Variants in NUP210 observed in about 807,000 individuals in gnomAD.
NUP210 encodes the protein nucleoporin 210.
A neutral mutation model predicts 196.0 loss-of-function variants in NUP210; 151 were observed. That is an observed-to-expected ratio of 0.77 (90% CI 0.67 to 0.88). The LOEUF is 0.88. NUP210 is among the 40% of genes least tolerant of loss of function. NUP210 has a pLI of 0.00. For missense variants in NUP210, 2,314 were observed against 2,493.7 expected (o/e 0.93, Z 1.53); for synonymous variants, 1,070 against 1,052.7 (o/e 1.02, Z -0.32).
At chr3:13,318,121 A>G (rs556548533) in intron 39 of NUP210, among the ~76,000 whole-genome samples, 6 of 152,364 alleles carry the variant, frequency 3.9e-5, no homozygotes, top group African/African-American at 1.4e-4. Context: ...AGAGCGCCAC[A>G]GGAACAAAGA....
intron 1 of NUP210, among the ~76,000 whole-genome samples, chr3:13,415,802 A>G (rs1257312672): frequency 6.6e-6 from 1 of 152,138 alleles, no homozygotes; most frequent in African/African-American, 2.4e-5. Flanking sequence ...CCCTGAGCCC[A>G]GCAGAAGCCA....
At chr3:13,365,911 C>CA (rs1461757204) in intron 14 of NUP210, 35 bp downstream of exon 14, 2 of 1,611,254 alleles carry the variant, frequency 1.2e-6, no homozygotes, top group Non-Finnish European at 1.7e-6. Flanking sequence ...AAGGAGTGGG[C>CA]AGGGGGGTGG....
chr3:13,393,383 T>C (rs1286428931), intron 3 of NUP210, among the ~76,000 whole-genome samples: 6 of 152,222 alleles, frequency 3.9e-5, no homozygotes, highest in African/African-American at 1.4e-4. Flanking sequence ...CAGTCTCTCC[T>C]GGAAGTCCAC....
chr3:13,417,994 T>C (rs1419087971), intron 1 of NUP210, among the ~76,000 whole-genome samples: 2 of 152,196 alleles, frequency 1.3e-5, no homozygotes, highest in East Asian at 3.8e-4. Context: ...CACACAAATA[T>C]ATCCAAAGGG....
intron 1 of NUP210, among the ~76,000 whole-genome samples, chr3:13,400,974 G>A (rs1006951801): frequency 9.9e-5 from 15 of 152,100 alleles, no homozygotes; most frequent in African/African-American, 2.7e-4. Flanking sequence ...GCAATGGTGC[G>A]TGGCCAGGCG....
intron 14 of NUP210, 97 bp downstream of exon 14, chr3:13,365,849 A>AAT: frequency 7.6e-7 from 1 of 1,307,550 alleles, no homozygotes; most frequent in Non-Finnish European, 1.1e-6. Context: ...TTTTGAAGGA[A>AAT]TCGGGTTTAT....
chr3:13,351,052 G>A (rs76125737), intron 20 of NUP210, among the ~76,000 whole-genome samples: 15 of 152,266 alleles, frequency 9.9e-5, no homozygotes, highest in Middle Eastern at 3.4e-3. Context: ...CACTAGAAGC[G>A]CACAAGAGTA....
At chr3:13,339,345 A>G (rs1697362461) in intron 25 of NUP210, among the ~76,000 whole-genome samples, 1 of 152,208 alleles carries the variant, frequency 6.6e-6, no homozygotes, top group African/African-American at 2.4e-5. Context: ...CCACAGTTGC[A>G]TTACACATCA....
chr3:13,323,549 C>T lies in NUP210; in HGVS notation c.4645-117G>A. 1 of 1,197,152 alleles carries T rather than the reference C, an allele frequency of 8.4e-7. No homozygotes were observed. The highest frequency in any genetic ancestry group is 1.4e-5 in the South Asian group (1 of 69,290). 74.2% of individuals were successfully genotyped at this position (1,197,152 alleles called of 1,614,324 possible). ...ATAGTGTCACCCGTTTCACAGGTGG[C>T]AACACTGAGGCTCAAAGCCTAAACG... is the stretch of plus-strand genomic sequence containing the variant. On this transcript the variant is annotated intron_variant, in intron 33 of 39. Coordinates refer to ENST00000254508, the MANE Select transcript of NUP210 (RefSeq NM_024923.4). This position sits in a 1 kb window ranked among gnomAD's most constrained non-coding sequence, Gnocchi z 4.3.
intron 6 of NUP210, among the ~76,000 whole-genome samples, chr3:13,385,006 T>A (rs1652687373): frequency 6.6e-6 from 1 of 152,224 alleles, no homozygotes; most frequent in African/African-American, 2.4e-5. Flanking sequence ...GAAGGGCAGA[T>A]GCTGCTTGCC....
chr3:13,417,731 AGCAGTCACACATCT>A (rs1253910211), intron 1 of NUP210, among the ~76,000 whole-genome samples: 10 of 152,232 alleles, frequency 6.6e-5, no homozygotes, highest in Admixed American at 3.9e-4. Flanking sequence ...CACTTTGAAT[AGCAGTCACACATCT>A]GCAGTCACAC....
Position 13,401,594 on chromosome 3 carries a change from A to G in NUP210, c.168-1733T>C, listed in dbSNP as rs1699842815. Among the ~76,000 whole-genome samples, 3 of 152,316 alleles carry G rather than the reference A, an allele frequency of 2.0e-5. No homozygotes were observed. In the South Asian group the frequency reaches 6.2e-4, roughly 32 times the overall value. On this transcript the variant is annotated intron_variant, in intron 1 of 39. Transcript: ENST00000254508. ...CGAGGAACACAGCAAAGCAGGCACA[A>G]GCCCACACAGGAGACAAGAAGCAGG...
chr3:13,400,456 C>T (rs74449770), intron 1 of NUP210, among the ~76,000 whole-genome samples: 5,738 of 152,266 alleles, frequency 0.038, 368 homozygotes, highest in African/African-American at 0.13. Flanking sequence ...TGAGCCCAGA[C>T]GTCTGTGAGC....
intron 9 of NUP210, 59 bp from the exon 10 acceptor site, chr3:13,376,490 A>T: frequency 1.2e-6 from 2 of 1,600,476 alleles, no homozygotes; most frequent in Admixed American, 3.4e-5. Context: ...GAAAGTCAGA[A>T]TTTGGGCACG....
At chr3:13,388,569 G>T (rs1699362089) in intron 4 of NUP210, 116 bp from the exon 5 acceptor site, 1 of 1,129,168 alleles carries the variant, frequency 8.9e-7, no homozygotes, top group African/African-American at 1.6e-5. Flanking sequence ...CTGAAATAAG[G>T]GGTGTCCCCC....
chr3:13,382,282 G>A (rs1699129090), intron 6 of NUP210, among the ~76,000 whole-genome samples: 1 of 152,186 alleles, frequency 6.6e-6, no homozygotes, highest in South Asian at 2.1e-4. Flanking sequence ...CTAAGGACTG[G>A]AGATGGAGAC....
In NUP210 at chr3:13,318,978, T is replaced by C. The variant is rs1459130959; in HGVS notation, c.5563+94A>G. ...TCCTTTGGCCCAGGCAAGGGCCTGT[T>C]GAGACTTAGGGTTCAGGAGCCTCGA... On this transcript the variant is annotated intron_variant, in intron 39 of 39. Transcript: ENST00000254508. 12 of 1,245,230 alleles carry C rather than the reference T, an allele frequency of 9.6e-6. No individual in the cohort carries two copies. In the Admixed American group the frequency reaches 3.3e-4, roughly 34 times the overall value. 77.1% of individuals were successfully genotyped at this position (1,245,230 alleles called of 1,614,324 possible).
chr3:13,371,261 C>T (rs551635674), intron 13 of NUP210, among the ~76,000 whole-genome samples: 14 of 152,354 alleles, frequency 9.2e-5, no homozygotes, highest in Admixed American at 2.0e-4. Context: ...GCAGCTACAG[C>T]TACACAGCCT....
chr3:13,335,506 G>A lies in NUP210; in HGVS notation c.3791C>T (p.Ser1264Leu), dbSNP rs968415419. 28 of 1,613,976 alleles carry A rather than the reference G, an allele frequency of 1.7e-5. No homozygotes were observed. The highest frequency in any genetic ancestry group is 4.0e-5 in the African/African-American group (3 of 74,926). Residue 1264 changes from serine (S) to leucine (L), a missense_variant, in exon 28 of 40, where the codon TCG (serine) becomes TTG (leucine). Coordinates refer to ENST00000254508, the MANE Select transcript of NUP210 (RefSeq NM_024923.4). ...TCTGGCCAGGCCATACAGCTGCCCCGATGTGGGGTCCACAGCCTTGACCAC... is the reference window on the plus strand; with the variant it reads ...TCTGGCCAGGCCATACAGCTGCCCCAATGTGGGGTCCACAGCCTTGACCAC... ...RVVVKAVDPT[S>L]GQLYGLAREL...
Sources: gnomAD v4.1 joint callset for allele counts (sites outside exome capture counted in the v4.1 genomes callset) on GRCh38, gnomAD v4.1.1 for gene constraint, Gnocchi (gnomAD v3.1) non-coding constraint, MANE v1.5 for transcripts, NCBI Gene and HGNC (gene_info 2026-07-23, HGNC 2026-07-21) for gene names.